The following CD177 variants were observed in gnomAD, a reference collection of about 807,000 sequenced individuals.
The protein encoded by CD177 is CD177 molecule, also known as CD177 antigen.
Under a neutral mutation model 38.1 loss-of-function variants are expected in CD177, and 41 were observed. That is an observed-to-expected ratio of 1.07 (90% CI 0.84 to 1.39). The LOEUF (loss-of-function observed/expected upper bound fraction) is 1.39. Ranked by LOEUF, CD177 falls within the 40% of genes most tolerant of loss-of-function variation. The probability of loss-of-function intolerance (pLI) is 0.00; values close to 1 mark genes in which losing one functional copy is unlikely to be tolerated. For synonymous variants in CD177, 236 were observed against 216.7 expected (o/e 1.09, Z -0.78); for missense variants, 619 against 523.8 (o/e 1.18, Z -1.77).
At chr19:43,360,468 A>G in intron 6 of CD177, 63 bp downstream of exon 6, 1 of 1,476,816 alleles carries the variant, frequency 6.8e-7, no homozygotes, top group East Asian at 2.5e-5. Context: ...CCTCCACCCC[A>G]CTGGATTCTT....
downstream of CD177, chr19:43,363,193 C>T (rs1392289688): frequency 6.6e-5 from 10 of 152,196 alleles, no homozygotes; most frequent in South Asian, 2.1e-4. Flanking sequence ...ATACGCAATT[C>T]GTCGCTGACC....
rs1343235540 is a variant in CD177, at chr19:43,361,124, C to T, written c.761-19C>T. The T allele has an allele frequency of 7.2e-7, 1 of 1,391,260 alleles. No individual in the cohort carries two copies. The highest frequency in any genetic ancestry group is 2.2e-5 in the East Asian group (1 of 44,474). The allele number at this position is 1,391,260 out of a possible 1,614,324, so 86.2% of individuals were successfully genotyped here. A position where few individuals can be genotyped will look rare whatever the true frequency, so the allele number is the denominator to read the frequency against. ...GGGAGCTGCCCAGTCCCCAGCCCAG[C>T]TTTCCCTCTCACCCTCAGGACTCAC... is the stretch of plus-strand genomic sequence containing the variant. On this transcript the variant is annotated intron_variant, in intron 6 of 8. Transcript: ENST00000618265.
chr19:43,354,304 G>A lies in CD177; in HGVS notation c.291G>A (p.Leu97=). ...TEHRMGPGLS[L]ISYTFVCRQE... is the part of the protein sequence containing the mutation. The stretch of plus-strand genomic sequence containing the variant: ...ACCGGATGGGCCCCGGCCTCTCCCT[G>A]ATCTCCTACACCTTCGTGTGCCGCC... The change falls in exon 3 of 9, where the codon CTG becomes CTA. Residue 97 remains leucine, a synonymous_variant. Transcript: ENST00000618265. 1 of 1,613,920 alleles carries A rather than the reference G, an allele frequency of 6.2e-7. No individual in the cohort carries two copies. Among genetic ancestry groups the A allele is most frequent in the South Asian group, 1.1e-5 (1 of 91,076 alleles).
At position 43,360,334 on chromosome 19, in the gene CD177, G is replaced by A. The variant is rs1969944474; in HGVS notation, c.689G>A (p.Trp230Ter). The A allele has an allele frequency of 3.1e-6, 5 of 1,612,642 alleles. No homozygotes were observed. The highest frequency in any genetic ancestry group is 4.2e-6 in the Non-Finnish European group (5 of 1,179,406). ...HGNLAQEPTD[W>*]TTSNTEMCEV... ...AACTTGGCTCAAGAACCCACTGATT[G>A]GACCACATCGAATACCGAGATGTGC... Residue 230 changes from tryptophan (W) to a stop codon, truncating the protein, a stop_gained, in exon 6 of 9, where the codon TGG (tryptophan) becomes TAG (stop). Transcript: ENST00000618265. LOFTEE classifies it high-confidence loss of function.
chr19:43,363,246 C>T (rs1969999741), downstream of CD177: 3 of 152,200 alleles, frequency 2.0e-5, no homozygotes, highest in Admixed American at 2.0e-4. Context: ...GGATAATTGA[C>T]ATGAGGGCTT....
intron 3 of CD177, among the ~76,000 whole-genome samples, chr19:43,354,699 T>C (rs982903554): frequency 3.1e-4 from 47 of 152,306 alleles, no homozygotes; most frequent in Admixed American, 5.9e-4. Context: ...CATTCTTTTT[T>C]TATTCTGTTG....
intron 6 of CD177, chr19:43,360,820 G>A (rs1270292330): frequency 4.0e-6 from 2 of 504,554 alleles, no homozygotes; most frequent in Non-Finnish European, 7.1e-6. Context: ...ATGGGGAATG[G>A]AGATCCCAGC....
intron 2 of CD177, 95 bp from the exon 3 acceptor site, chr19:43,354,112 T>C: frequency 1.3e-6 from 2 of 1,561,944 alleles, no homozygotes; most frequent in African/African-American, 1.4e-5. Context: ...GTGATCCCCT[T>C]TCCAGCCTCT....
chr19:43,359,928 C>T (rs1969936077), intron 5 of CD177, among the ~76,000 whole-genome samples: 1 of 149,074 alleles, frequency 6.7e-6, no homozygotes, highest in Non-Finnish European at 1.5e-5. Context: ...AGGCTGCCTT[C>T]CTTATTATTG....
rs747793913 is a variant in CD177 at position 43,362,160 on chromosome 19, G to A, written c.1154G>A (p.Arg385Lys). The A allele has an allele frequency of 1.1e-5, 18 of 1,613,706 alleles. 1 individual carries two copies. In the South Asian group the frequency reaches 2.0e-4, roughly 18 times the overall value. The change falls in exon 9 of 9, where the codon AGA (arginine) becomes AAA (lysine). Residue 385 changes from arginine to lysine, a missense_variant. Coordinates refer to ENST00000618265, the MANE Select transcript of CD177 (RefSeq NM_020406.4). The part of the protein sequence containing the change: ...QPSSFLLNHT[R>K]QIGIFSAREK... Reference sequence around the variant, plus strand: ...TCCAGCTTCTTGTTGAACCACACCAGACAAATCGGGATCTTCTCTGCGCGT... The same window carrying A: ...TCCAGCTTCTTGTTGAACCACACCAAACAAATCGGGATCTTCTCTGCGCGT...
At chr19:43,359,799 A>T (rs1969934377) in intron 5 of CD177, among the ~76,000 whole-genome samples, 1 of 108,366 alleles carries the variant, frequency 9.2e-6, no homozygotes, top group African/African-American at 3.9e-5. Flanking sequence ...ATCTGTGGGA[A>T]GCAATGAGGT....
In CD177 at chr19:43,354,320, G is replaced by C. The variant is rs773947126; in HGVS notation, c.307G>C (p.Val103Leu). The C allele has an allele frequency of 4.3e-6, 7 of 1,613,892 alleles. No homozygotes were observed. The highest frequency in any genetic ancestry group is 2.2e-5 in the South Asian group (2 of 91,078). Residue 103 changes from valine to leucine, a missense_variant, in exon 3 of 9, where the codon GTG becomes CTG. Coordinates refer to ENST00000618265, the MANE Select transcript of CD177 (RefSeq NM_020406.4). ...CCTCTCCCTGATCTCCTACACCTTC[G>C]TGTGCCGCCAGGAGGACTTCTGCAA... ...PGLSLISYTF[V>L]CRQEDFCNNL... is the part of the protein sequence containing the mutation.
In CD177 at chr19:43,361,225, C is replaced by T; in HGVS notation, c.843C>T (p.Ala281=). The change falls in exon 7 of 9, where the codon GCC becomes GCT. Residue 281 remains alanine (A), a synonymous_variant. Coordinates refer to ENST00000618265, the MANE Select transcript of CD177 (RefSeq NM_020406.4). ...QNSQKTTIHS[A]PPGVLVASYT... The stretch of plus-strand genomic sequence containing the variant: ...CCCAGAAGACCACCATCCACTCAGC[C>T]CCTCCTGGGGTGCTTGTGGCCTCCT... The T allele has an allele frequency of 6.4e-7, 1 of 1,551,006 alleles. No individual in the cohort carries two copies. Among genetic ancestry groups the T allele is most frequent in the Non-Finnish European group, 8.9e-7 (1 of 1,124,342 alleles).
rs180771874 is a variant in CD177 at position 43,362,096 on chromosome 19, T to A, written c.1090T>A (p.Ser364Thr). Residue 364 changes from serine (S) to threonine (T), a missense_variant, in exon 9 of 9, where the codon TCC (serine) becomes ACC (threonine). Physicochemically the swap from Ser to Thr is moderately conservative, Grantham distance 58 (BLOSUM62 1). Transcript: ENST00000618265. ...GYIHLSGGGL[S>T]TKMSIQGCVA... is the part of the protein sequence containing the mutation. ...TGGTCTTCTCCCTCTAGGTGGGCTG[T>A]CCACCAAAATGAGCATTCAGGGCTG... The A allele has an allele frequency of 8.0e-4, 1,284 of 1,613,548 alleles. 11 individuals carry two copies. The Admixed American group carries it at 0.018, about 23-fold the overall frequency.
intron 5 of CD177, among the ~76,000 whole-genome samples, chr19:43,359,785 G>T (rs1969934224): frequency 9.4e-6 from 1 of 106,692 alleles, no homozygotes; most frequent in African/African-American, 3.9e-5. Flanking sequence ...CCTTAGATGG[G>T]TGGATCTGTG....
In CD177 at chr19:43,361,167, CA is replaced by C. The variant is rs781857070; in HGVS notation, c.789del (p.Gly264AlafsTer46). 1.3e-6 allele frequency: 2 copies of C among 1,542,308 alleles called. No individual in the cohort carries two copies. Among genetic ancestry groups the C allele is most frequent in the East Asian group, 2.2e-5 (1 of 44,864 alleles). ...GGACTCACATCAACCCTGGTGGGGA[CA>C]AAAGGCTGCAGCACTGTTGGGGCTC... ...DVGLTSTLVGTKGCSTVGAQN... is the reference protein window; with the variant it reads ...DVGLTSTLVGXKGCSTVGAQN... On this transcript the variant is annotated frameshift_variant, in exon 7 of 9. Transcript: ENST00000618265. LOFTEE classifies it high-confidence loss of function.
rs775080072 is a variant in CD177 at position 43,355,679 on chromosome 19, G to T, written c.398G>T (p.Cys133Phe). The T allele has an allele frequency of 1.2e-5, 20 of 1,612,804 alleles. No individual in the cohort carries two copies. The South Asian group carries it at 2.0e-4, about 16-fold the overall frequency. ...QPPADPGSLR[C>F]PVCLSMEGCL... ...TTCCTAGACCCAGGATCCTTGAGGT[G>T]CCCAGTCTGCTTGTCTATGGAAGGC... The change falls in exon 4 of 9, where the codon TGC (cysteine) becomes TTC (phenylalanine). Residue 133 changes from cysteine to phenylalanine, a missense_variant. Physicochemically the swap from Cys to Phe is radical, Grantham distance 205 (BLOSUM62 -2). Transcript: ENST00000618265.
Position 43,362,122 on chromosome 19 carries a change from C to T in CD177, c.1116C>T (p.Cys372=), listed in dbSNP as rs201285428. ...GLSTKMSIQG[C]VAQPSSFLLN... is the part of the protein sequence containing the mutation. ...CCACCAAAATGAGCATTCAGGGCTG[C>T]GTGGCCCAACCTTCCAGCTTCTTGT... Residue 372 remains cysteine, a synonymous_variant, in exon 9 of 9, where the codon TGC becomes TGT. Transcript: ENST00000618265. 1.9e-5 allele frequency: 31 copies of T among 1,613,750 alleles called. No homozygotes were observed. Among genetic ancestry groups the T allele is most frequent in the Admixed American group, 1.0e-4 (6 of 60,012 alleles).
intron 6 of CD177, 172 bp from the exon 7 acceptor site, chr19:43,360,971 C>T (rs905167618): frequency 1.2e-4 from 71 of 614,890 alleles, no homozygotes; most frequent in African/African-American, 1.1e-3. Context: ...TCGGGCAGGA[C>T]CCAGGCCCCA....
Sources: gnomAD v4.1 joint callset for allele counts (sites outside exome capture counted in the v4.1 genomes callset) on GRCh38, gnomAD v4.1.1 for gene constraint, MANE v1.5 for transcripts, NCBI Gene and HGNC (gene_info 2026-07-23, HGNC 2026-07-21) for gene names.